The following SMG6 variants were observed in gnomAD, a reference collection of about 807,000 sequenced individuals.
SMG6 encodes SMG6 nonsense mediated mRNA decay factor.
In SMG6, 66 loss-of-function variants were observed where a neutral mutation model predicts 142.2. That is an observed-to-expected ratio of 0.46 (90% CI 0.38 to 0.57). The LOEUF (loss-of-function observed/expected upper bound fraction) is 0.57, where lower values mean the gene tolerates loss of function less well. SMG6 is among the 20% of genes least tolerant of loss of function. The pLI is 0.00. For missense variants in SMG6, 1,793 were observed against 1,832.0 expected (o/e 0.98, Z 0.39); for synonymous variants, 779 against 702.4 (o/e 1.11, Z -1.72).
intron 10 of SMG6, among the ~76,000 whole-genome samples, chr17:2,201,414 C>T (rs765633507): frequency 2.0e-5 from 3 of 152,068 alleles, no homozygotes; most frequent in Non-Finnish European, 4.4e-5. Context: ...TAAATGAGAC[C>T]GGGGCACAGT....
At chr17:2,125,586 C>T (rs1328317268) in intron 13 of SMG6, among the ~76,000 whole-genome samples, 1 of 152,184 alleles carries the variant, frequency 6.6e-6, no homozygotes, top group Admixed American at 6.5e-5. Flanking sequence ...CCAAAGCAAT[C>T]TACAGATTCA....
intron 4 of SMG6, among the ~76,000 whole-genome samples, chr17:2,294,105 TACTG>T (rs1365243912): frequency 2.0e-5 from 3 of 152,164 alleles, no homozygotes; most frequent in Non-Finnish European, 1.5e-5. Context: ...GAGAAGAAGA[TACTG>T]ACCCCTCAGG....
chr17:2,165,686 G>A (rs1346251167), intron 13 of SMG6, among the ~76,000 whole-genome samples: 1 of 152,176 alleles, frequency 6.6e-6, no homozygotes, highest in East Asian at 1.9e-4. Flanking sequence ...AGGATCACTT[G>A]AGCTCAGGAG....
Position 2,061,491 on chromosome 17 carries a change from C to A in SMG6, c.*1G>T. 1 of 1,571,650 alleles carries A rather than the reference C, an allele frequency of 6.4e-7. No homozygotes were observed. The highest frequency in any genetic ancestry group is 2.3e-5 in the East Asian group (1 of 42,662). On this transcript the variant is annotated 3_prime_UTR_variant, in exon 19 of 19. Coordinates refer to ENST00000263073, the MANE Select transcript of SMG6 (RefSeq NM_017575.5). Reference sequence around the variant, plus strand: ...GGGGGGGGGGCCCCAGTGTGGCTCCCTCAGCCCACCTGGGCCCACGTGAGG... The same window carrying A: ...GGGGGGGGGGCCCCAGTGTGGCTCCATCAGCCCACCTGGGCCCACGTGAGG...
At chr17:2,146,083 T>C (rs2070659797) in intron 13 of SMG6, among the ~76,000 whole-genome samples, 1 of 152,138 alleles carries the variant, frequency 6.6e-6, no homozygotes, top group African/African-American at 2.4e-5. Flanking sequence ...GAAGATATGA[T>C]TAAATGAACT....
At chr17:2,121,698 C>G (rs1025475760) in intron 13 of SMG6, among the ~76,000 whole-genome samples, 6 of 148,242 alleles carry the variant, frequency 4.0e-5, no homozygotes, top group African/African-American at 1.5e-4. Flanking sequence ...TGATTTTGGG[C>G]TCACTACAGC....
At chr17:2,194,485 ATCT>A (rs751735277) in intron 10 of SMG6, among the ~76,000 whole-genome samples, 1 of 152,180 alleles carries the variant, frequency 6.6e-6, no homozygotes, top group Non-Finnish European at 1.5e-5. Context: ...TAAGGGTAAC[ATCT>A]TCTTATAATA....
chr17:2,150,900 A>T (rs995513062), intron 13 of SMG6, among the ~76,000 whole-genome samples: 3 of 152,010 alleles, frequency 2.0e-5, no homozygotes, highest in South Asian at 2.1e-4. Context: ...AAAAAAAAAA[A>T]TCCGTAACCC....
At chr17:2,297,462 C>T (rs1017786830) in intron 3 of SMG6, 109 bp from the exon 4 acceptor site, 1 of 784,020 alleles carries the variant, frequency 1.3e-6, no homozygotes, top group Non-Finnish European at 2.0e-6. Flanking sequence ...TTCAGACATC[C>T]TATGAAAAGG....
intron 8 of SMG6, among the ~76,000 whole-genome samples, chr17:2,258,454 A>C (rs928973252): frequency 1.3e-4 from 19 of 151,754 alleles, no homozygotes; most frequent in African/African-American, 4.6e-4. Flanking sequence ...GCTACTGGGG[A>C]GACTGAGGCA....
chr17:2,282,862 A>G lies in SMG6; in HGVS notation c.2449-3T>C. On this transcript the variant is annotated splice_polypyrimidine_tract_variant and splice_region_variant and intron_variant, in intron 7 of 18. Transcript: ENST00000263073. ...TGCTTCTTTTCCATCTGTTCTGCCT[A>G]TATAACATACAAACACATTAGCTCA... 6.2e-7 allele frequency: 1 copy of G among 1,614,014 alleles called. No homozygotes were observed. The highest frequency in any genetic ancestry group is 8.5e-7 in the Non-Finnish European group (1 of 1,179,928).
chr17:2,081,908 C>G lies in SMG6; in HGVS notation c.3583G>C (p.Gly1195Arg). The G allele has an allele frequency of 6.2e-7, 1 of 1,614,210 alleles. No individual in the cohort carries two copies. The highest frequency in any genetic ancestry group is 8.5e-7 in the Non-Finnish European group (1 of 1,180,042). ...CTGATGTCATCCTCGCCTCCGCTGCCTTCAGCCTCTGAATCTTCCTCAAAG... is the reference window on the plus strand; with the variant it reads ...CTGATGTCATCCTCGCCTCCGCTGCGTTCAGCCTCTGAATCTTCCTCAAAG... ...EDFEEDSEAE[G>R]SGGEDDIREL... The change falls in exon 15 of 19, where the codon GGC becomes CGC. Residue 1195 changes from glycine to arginine, a missense_variant. By Grantham distance (125) the Gly-to-Arg change is moderately radical (BLOSUM62 -2). Transcript: ENST00000263073.
At chr17:2,194,694 A>T (rs1340799267) in intron 10 of SMG6, among the ~76,000 whole-genome samples, 1 of 134,594 alleles carries the variant, frequency 7.4e-6, no homozygotes, top group Non-Finnish European at 1.6e-5. Flanking sequence ...TACCAAAAGA[A>T]AAGAAAACAA....
intron 13 of SMG6, among the ~76,000 whole-genome samples, chr17:2,111,258 T>TG (rs1421544747): frequency 6.6e-6 from 1 of 151,892 alleles, no homozygotes; most frequent in Non-Finnish European, 1.5e-5. Flanking sequence ...GGAAGTACTG[T>TG]GAAAAAAAGT....
At chr17:2,198,871 T>C (rs1040612628) in intron 10 of SMG6, among the ~76,000 whole-genome samples, 1 of 144,444 alleles carries the variant, frequency 6.9e-6, no homozygotes, top group East Asian at 2.0e-4. Flanking sequence ...CCTGAGCTGG[T>C]GGAGATGCCC....
chr17:2,221,672 T>C (rs751962688), intron 10 of SMG6, among the ~76,000 whole-genome samples: 26 of 152,256 alleles, frequency 1.7e-4, no homozygotes, highest in Admixed American at 8.5e-4. Flanking sequence ...AGTAAGATTA[T>C]GAGCAGTAAC....
Position 2,292,878 on chromosome 17 carries a change from C to T in SMG6, c.2251G>A (p.Ala751Thr), listed in dbSNP as rs1334606138. 1 of 1,613,594 alleles carries T rather than the reference C, an allele frequency of 6.2e-7. No individual in the cohort carries two copies. The highest frequency in any genetic ancestry group is 8.5e-7 in the Non-Finnish European group (1 of 1,179,552). The part of the protein sequence containing the change: ...QASDTANYGK[A>T]RSWYLKAQHI... The stretch of plus-strand genomic sequence containing the variant: ...AAGCAGAGGTAAAAGTACCTGCGTG[C>T]TTTCCCATAATTCGCTGTATCACTG... Residue 751 changes from alanine to threonine, a missense_variant, in exon 5 of 19, where the codon GCA (alanine) becomes ACA (threonine). Coordinates refer to ENST00000263073, the MANE Select transcript of SMG6 (RefSeq NM_017575.5).
chr17:2,274,705 G>A (rs888994354), intron 8 of SMG6, among the ~76,000 whole-genome samples: 4 of 152,200 alleles, frequency 2.6e-5, no homozygotes. Flanking sequence ...CTTGTCTAAA[G>A]ACATTATTTG....
chr17:2,289,126 T>C (rs2074975065), intron 6 of SMG6, among the ~76,000 whole-genome samples: 2 of 149,356 alleles, frequency 1.3e-5, no homozygotes, highest in South Asian at 4.2e-4. Flanking sequence ...GGCGGGCACC[T>C]GTAGTTGCAT....
Sources: allele counts gnomAD v4.1 joint callset (sites outside exome capture counted in the v4.1 genomes callset), GRCh38; gene constraint gnomAD v4.1.1; transcripts MANE v1.5; gene names NCBI Gene and HGNC (gene_info 2026-07-23, HGNC 2026-07-21).